CNTNAP2: variants seen among roughly 807,000 people sequenced by gnomAD.
CNTNAP2 encodes the protein contactin-associated protein-like 2.
A neutral mutation model predicts 155.2 loss-of-function variants in CNTNAP2; 98 were observed. The observed-to-expected ratio is 0.63, with a 90% CI of 0.54 to 0.75. CNTNAP2 has a LOEUF of 0.75. Ranked by LOEUF, CNTNAP2 falls within the 30% of genes least tolerant of loss-of-function variation. The pLI is 0.00. For missense variants in CNTNAP2, 1,727 were observed against 1,688.1 expected (o/e 1.02, Z -0.40); for synonymous variants, 651 against 631.2 (o/e 1.03, Z -0.47).
intron 1 of CNTNAP2, among the ~76,000 whole-genome samples, chr7:146,552,592 C>T (rs374645609): frequency 1.4e-4 from 22 of 152,188 alleles, no homozygotes; most frequent in African/African-American, 5.3e-4. Context: ...TACAGCACTT[C>T]CCTCCTCTAA....
At chr7:146,668,093 A>T (rs1007654901) in intron 1 of CNTNAP2, among the ~76,000 whole-genome samples, 3 of 152,074 alleles carry the variant, frequency 2.0e-5, no homozygotes, top group Non-Finnish European at 4.4e-5. Context: ...CTTTGGTGTG[A>T]TGTTAATTGT....
intron 2 of CNTNAP2, among the ~76,000 whole-genome samples, chr7:146,794,882 A>C (rs1301178550): frequency 6.6e-6 from 1 of 152,188 alleles, no homozygotes; most frequent in East Asian, 1.9e-4. Flanking sequence ...ATTTTAAAGA[A>C]TTTAGTATAT....
chr7:146,777,305 T>C (rs1305543651), intron 2 of CNTNAP2, among the ~76,000 whole-genome samples: 1 of 152,254 alleles, frequency 6.6e-6, no homozygotes. Context: ...AGCGTTATGC[T>C]GTCCATAATG....
At chr7:147,183,221 CTTTTA>C (rs1227146699) in intron 8 of CNTNAP2, among the ~76,000 whole-genome samples, 7 of 151,854 alleles carry the variant, frequency 4.6e-5, no homozygotes, top group Admixed American at 1.3e-4. Context: ...TTAAAATCTA[CTTTTA>C]TTTTATGTCA....
intron 3 of CNTNAP2, among the ~76,000 whole-genome samples, chr7:146,987,250 G>C (rs1405805735): frequency 6.6e-6 from 1 of 152,090 alleles, no homozygotes; most frequent in Non-Finnish European, 1.5e-5. Context: ...AGGTATACTT[G>C]AGGTATTATC....
At chr7:148,280,725 C>G (rs1478684023) in intron 21 of CNTNAP2, among the ~76,000 whole-genome samples, 1 of 151,964 alleles carries the variant, frequency 6.6e-6, no homozygotes, top group Non-Finnish European at 1.5e-5. Context: ...TTCAGACCAG[C>G]CTAGTCAACA....
chr7:146,417,569 T>C (rs937958374), intron 1 of CNTNAP2, among the ~76,000 whole-genome samples: 3 of 152,122 alleles, frequency 2.0e-5, no homozygotes, highest in African/African-American at 7.2e-5. Context: ...AGTTATCTTC[T>C]TCTTCTTCTT....
At chr7:147,824,497 G>A (rs896654982) in intron 13 of CNTNAP2, among the ~76,000 whole-genome samples, 2 of 152,074 alleles carry the variant, frequency 1.3e-5, no homozygotes, top group African/African-American at 4.8e-5. Context: ...CCAAACAATT[G>A]AGGCCATGTG....
intron 11 of CNTNAP2, among the ~76,000 whole-genome samples, chr7:147,554,065 T>C (rs972847005): frequency 6.6e-6 from 1 of 152,220 alleles, no homozygotes; most frequent in Non-Finnish European, 1.5e-5. Context: ...CTGAGCAAGA[T>C]GAACTGGATG....
At chr7:146,348,012 T>A (rs1794844215) in intron 1 of CNTNAP2, among the ~76,000 whole-genome samples, 1 of 152,176 alleles carries the variant, frequency 6.6e-6, no homozygotes, top group Admixed American at 6.5e-5. Flanking sequence ...AACAAAAATC[T>A]GTGGGCCTTT....
chr7:146,294,730 C>T (rs1800485241), intron 1 of CNTNAP2, among the ~76,000 whole-genome samples: 2 of 152,130 alleles, frequency 1.3e-5, no homozygotes, highest in Non-Finnish European at 2.9e-5. Flanking sequence ...ATTAAACTCA[C>T]TTAAGATTGA....
chr7:147,015,090 G>T (rs995561800), intron 3 of CNTNAP2, among the ~76,000 whole-genome samples: 6 of 144,094 alleles, frequency 4.2e-5, no homozygotes, highest in Admixed American at 2.1e-4. Flanking sequence ...TGACACAGTG[G>T]TTTTTTTTTT....
intron 4 of CNTNAP2, among the ~76,000 whole-genome samples, chr7:147,075,846 TG>T (rs971718794): frequency 6.6e-6 from 1 of 152,098 alleles, no homozygotes; most frequent in Non-Finnish European, 1.5e-5. Context: ...ATATTCTCAT[TG>T]TTCAATTCCC....
At chr7:146,747,580 A>G (rs1276077794) in intron 1 of CNTNAP2, among the ~76,000 whole-genome samples, 1 of 152,234 alleles carries the variant, frequency 6.6e-6, no homozygotes, top group African/African-American at 2.4e-5. Flanking sequence ...AAACATCAAT[A>G]TATGTTAAAG....
intron 21 of CNTNAP2, among the ~76,000 whole-genome samples, chr7:148,312,632 T>C (rs1797614465): frequency 6.6e-6 from 1 of 152,168 alleles, no homozygotes; most frequent in Admixed American, 6.5e-5. Flanking sequence ...AACAATTTGG[T>C]TGATAAGGCG....
In CNTNAP2 at chr7:147,504,583, G is replaced by A. The variant is rs188258737; in HGVS notation, c.1777+18542G>A. ...ACGTGCCTGTAATCCCAAATACTCG[G>A]GAGGCTAAGGCAGGAGAATCACTTG... On this transcript the variant is annotated intron_variant, in intron 11 of 23. Transcript: ENST00000361727. Among the ~76,000 whole-genome samples, 40 of 151,290 alleles carry A rather than the reference G, an allele frequency of 2.6e-4. 1 individual carries two copies. Among genetic ancestry groups the A allele is most frequent in the African/African-American group, 9.5e-4 (39 of 41,188 alleles).
chr7:146,116,937 T>C lies in CNTNAP2; in HGVS notation c.61T>C (p.Cys21Arg), dbSNP rs1295468688. 1.3e-6 allele frequency: 2 copies of C among 1,552,172 alleles called. No individual in the cohort carries two copies. ...GCTCCTGCTGTGGATTGTCAGCAGC[T>C]GCCTCTGCAGAGCCTGGACGGCTCC... is the stretch of plus-strand genomic sequence containing the variant. ...AALLLWIVSS[C>R]LCRAWTAPST... The change falls in exon 1 of 24, where the codon TGC (cysteine) becomes CGC (arginine). Residue 21 changes from cysteine (C) to arginine (R), a missense_variant. By Grantham distance (180) the Cys-to-Arg change is radical. Transcript: ENST00000361727. This position sits in a 1 kb window ranked among gnomAD's most constrained non-coding sequence, Gnocchi z 5.5.
chr7:147,883,275 G>T (rs1799552727), intron 13 of CNTNAP2, among the ~76,000 whole-genome samples: 1 of 152,162 alleles, frequency 6.6e-6, no homozygotes, highest in African/African-American at 2.4e-5. Flanking sequence ...CATATCTTAA[G>T]AGTAGACTGT....
At chr7:148,213,046 G>T (rs1795575050) in intron 18 of CNTNAP2, among the ~76,000 whole-genome samples, 1 of 152,094 alleles carries the variant, frequency 6.6e-6, no homozygotes, top group Non-Finnish European at 1.5e-5. Context: ...CCTTGGAATG[G>T]CTGTCTCCAG....
Sources: gnomAD v4.1 joint callset for allele counts (sites outside exome capture counted in the v4.1 genomes callset) on GRCh38, gnomAD v4.1.1 for gene constraint, Gnocchi (gnomAD v3.1) non-coding constraint, MANE v1.5 for transcripts, NCBI Gene and HGNC (gene_info 2026-07-23, HGNC 2026-07-21) for gene names.